Variants in PNKD observed in about 807,000 individuals in gnomAD.
The protein encoded by PNKD is probable thioesterase PNKD.
PNKD carries 36 observed loss-of-function variants against 45.3 expected under a neutral mutation model. The ratio of observed to expected loss-of-function variants is 0.80; its 90% CI spans 0.61 to 1.05. PNKD has a LOEUF of 1.05. Among genes scored for constraint, PNKD ranks in the 50% least tolerant of loss-of-function variants. The probability of loss-of-function intolerance (pLI) is 0.00; values close to 1 mark genes in which losing one functional copy is unlikely to be tolerated. For missense variants in PNKD, 511 were observed against 506.6 expected, an observed-to-expected ratio of 1.01 and a Z score of -0.08; for synonymous variants, 197 against 210.1, an observed-to-expected ratio of 0.94 and a Z score of 0.54.
At chr2:218,293,062 T>G (rs1442671919) in intron 2 of PNKD, among the ~76,000 whole-genome samples, 1 of 152,242 alleles carries the variant, frequency 6.6e-6, no homozygotes. Flanking sequence ...TCCTTGATAA[T>G]TCTGTGTTTT....
At chr2:218,278,108 G>T in intron 2 of PNKD, 1 of 986,082 alleles carries the variant, frequency 1.0e-6, no homozygotes, top group Non-Finnish European at 1.5e-6. Context: ...GGTTGGCATG[G>T]CCTTTGGCAC....
At chr2:218,312,855 A>AGAGT (rs1227953206) in intron 2 of PNKD, among the ~76,000 whole-genome samples, 1 of 152,004 alleles carries the variant, frequency 6.6e-6, no homozygotes, top group Non-Finnish European at 1.5e-5. Flanking sequence ...CCCGGGTGAC[A>AGAGT]GAGTGAGACT....
intron 9 of PNKD, 69 bp downstream of exon 9, chr2:218,344,639 C>A: frequency 6.9e-7 from 1 of 1,450,920 alleles, no homozygotes; most frequent in Non-Finnish European, 9.7e-7. Flanking sequence ...CCCATCCATG[C>A]TGACCCCAGG....
At position 218,340,589 on chromosome 2, in the gene PNKD, T is replaced by C. The variant is rs1694642495; in HGVS notation, c.466-139T>C. ...GCTTCACATTCCTGGATCTCTCCCC[T>C]CCAGCTCCATCCCTTTCCTCTGCTT... On this transcript the variant is annotated intron_variant, in intron 4 of 9. Coordinates refer to ENST00000273077, the MANE Select transcript of PNKD (RefSeq NM_015488.5). The surrounding 1 kb of genome is among the most constrained non-coding windows in gnomAD (Gnocchi z 4.2). 1 of 737,128 alleles carries C rather than the reference T, an allele frequency of 1.4e-6. No individual in the cohort carries two copies. The highest frequency in any genetic ancestry group is 2.5e-6 in the Non-Finnish European group (1 of 404,392). The allele number at this position is 737,128 out of a possible 1,614,324, so 45.7% of individuals were successfully genotyped here.
chr2:218,319,802 G>A, intron 2 of PNKD, among the ~76,000 whole-genome samples: 1 of 152,266 alleles, frequency 6.6e-6, no homozygotes, highest in East Asian at 1.9e-4. Flanking sequence ...TCTTCTGGGA[G>A]GCGAAATCGC....
At chr2:218,334,892 T>C in intron 2 of PNKD, 1 of 622,902 alleles carries the variant, frequency 1.6e-6, no homozygotes, top group Non-Finnish European at 2.9e-6. Context: ...ACTTGGGTGA[T>C]TTGACTGGGG....
intron 2 of PNKD, among the ~76,000 whole-genome samples, chr2:218,294,551 C>T (rs1693097132): frequency 1.3e-5 from 2 of 152,340 alleles, no homozygotes; most frequent in African/African-American, 4.8e-5. Context: ...AATTGCAGCT[C>T]ACTGCAGCCT....
At chr2:218,323,100 G>A (rs946528056) in intron 2 of PNKD, 8 of 1,161,454 alleles carry the variant, frequency 6.9e-6, no homozygotes, top group South Asian at 2.5e-5. Context: ...GTGCTTGCCC[G>A]GCTGGAGGTG....
At position 218,304,434 on chromosome 2, in the gene PNKD, G is replaced by A. The variant is rs117176065; in HGVS notation, c.236+32885G>A. 2.4e-3 allele frequency among the ~76,000 whole-genome samples: 361 copies of A among 152,174 alleles called. 7 individuals are homozygous for A. The East Asian group carries it at 0.055, about 23-fold the overall frequency. On this transcript the variant is annotated intron_variant, in intron 2 of 9. Coordinates refer to ENST00000273077, the MANE Select transcript of PNKD (RefSeq NM_015488.5). ...GCTGGGATTACAGGCATGAGCCACC[G>A]CACCCAACCTGTCTTTATGTTTTAT...
intron 2 of PNKD, among the ~76,000 whole-genome samples, chr2:218,273,731 AT>A (rs899237036): frequency 6.7e-6 from 1 of 149,704 alleles, no homozygotes; most frequent in Non-Finnish European, 1.5e-5. Context: ...ACCTCAGGTG[AT>A]TCCCCCCCAC....
intron 2 of PNKD, among the ~76,000 whole-genome samples, chr2:218,335,829 G>A (rs1271226559): frequency 6.6e-6 from 1 of 152,144 alleles, no homozygotes; most frequent in Non-Finnish European, 1.5e-5. Flanking sequence ...GCTTGGTTTT[G>A]ACCCAACTGC....
intron 2 of PNKD, among the ~76,000 whole-genome samples, chr2:218,300,178 T>G (rs1209704595): frequency 6.6e-6 from 1 of 152,214 alleles, no homozygotes; most frequent in Non-Finnish European, 1.5e-5. Context: ...CAGCAAAATC[T>G]CAACTCTGCA....
intron 2 of PNKD, among the ~76,000 whole-genome samples, chr2:218,289,625 GAAAAAAAAAAAA>G (rs10675061): frequency 2.3e-5 from 2 of 87,788 alleles, no homozygotes; most frequent in African/African-American, 9.0e-5. Flanking sequence ...CTGGGCGACA[GAAAAAAAAAAAA>G]AAAAAAAAAC....
intron 2 of PNKD, chr2:218,282,033 G>T (rs149874920): frequency 1.2e-6 from 2 of 1,607,740 alleles, no homozygotes; most frequent in Non-Finnish European, 1.7e-6. Flanking sequence ...GGGTAGGCAG[G>T]ATACCCTCCT....
intron 2 of PNKD, among the ~76,000 whole-genome samples, chr2:218,289,370 G>A (rs147417073): frequency 0.069 from 10,500 of 152,130 alleles, 637 homozygotes; most frequent in African/African-American, 0.16. Flanking sequence ...GGCCAGGCGC[G>A]GTGGCTCATG....
chr2:218,334,838 A>G, intron 2 of PNKD: 3 of 686,928 alleles, frequency 4.4e-6, no homozygotes, highest in Non-Finnish European at 5.3e-6. Flanking sequence ...TTATTTTGTG[A>G]AGGAGATACT....
chr2:218,286,717 G>C (rs1290358931), intron 2 of PNKD: 1 of 152,410 alleles, frequency 6.6e-6, no homozygotes, highest in East Asian at 1.9e-4. Flanking sequence ...AAGGGTTAAG[G>C]CTCCGGAATC....
chr2:218,312,197 A>G (rs769256208), intron 2 of PNKD, among the ~76,000 whole-genome samples: 1 of 152,268 alleles, frequency 6.6e-6, no homozygotes, highest in Non-Finnish European at 1.5e-5. Flanking sequence ...ACATAGACAC[A>G]GTAACAATCT....
chr2:218,341,151 G>A (rs556376384), intron 5 of PNKD, among the ~76,000 whole-genome samples: 8 of 152,324 alleles, frequency 5.3e-5, no homozygotes, highest in African/African-American at 1.9e-4. Context: ...GAGGCAAGAG[G>A]GTTGGGAGTT....
Sources: allele counts gnomAD v4.1 joint callset (sites outside exome capture counted in the v4.1 genomes callset), GRCh38; gene constraint gnomAD v4.1.1; non-coding constraint Gnocchi (gnomAD v3.1); transcripts MANE v1.5; gene names NCBI Gene and HGNC (gene_info 2026-07-23, HGNC 2026-07-21).